The following MBD5 variants were observed in gnomAD, a reference collection of about 807,000 sequenced individuals.
MBD5 encodes methyl-CpG-binding domain protein 5.
MBD5 carries 13 observed loss-of-function variants against 117.3 expected under a neutral mutation model. The ratio of observed to expected loss-of-function variants is 0.11; its 90% CI spans 0.07 to 0.18. The LOEUF is 0.18. Ranked by LOEUF, MBD5 falls within the 10% of genes least tolerant of loss-of-function variation. MBD5 has a pLI of 1.00. For missense variants in MBD5, 1,879 were observed against 2,093.8 expected, an observed-to-expected ratio of 0.90 and a Z score of 2.00; for synonymous variants, 727 against 766.4, an observed-to-expected ratio of 0.95 and a Z score of 0.85.
At chr2:148,473,187 T>C (rs1680850967) in intron 8 of MBD5, among the ~76,000 whole-genome samples, 1 of 152,186 alleles carries the variant, frequency 6.6e-6, no homozygotes, top group South Asian at 2.1e-4. Context: ...GCCAATATTA[T>C]AGCAAATAAT....
intron 4 of MBD5, among the ~76,000 whole-genome samples, chr2:148,412,757 C>T (rs767544327): frequency 3.3e-5 from 5 of 151,822 alleles, no homozygotes; most frequent in Admixed American, 6.6e-5. Context: ...GGCCTTAGCT[C>T]GGATGTTGGT....
chr2:148,288,403 A>AAAAAAAAAAAAAAAAAAAAAG (rs1559006614), intron 3 of MBD5, among the ~76,000 whole-genome samples: 11 of 139,562 alleles, frequency 7.9e-5, no homozygotes, highest in African/African-American at 2.6e-4. Context: ...CCGTCTCAAA[A>AAAAAAAAAAAAAAAAAAAAAG]AAAAAAAAAA....
At chr2:148,138,227 A>G (rs1334786490) in intron 1 of MBD5, among the ~76,000 whole-genome samples, 1 of 152,186 alleles carries the variant, frequency 6.6e-6, no homozygotes, top group African/African-American at 2.4e-5. Context: ...TACAACTTAT[A>G]TGTATTTTTA....
At chr2:148,178,237 A>T (rs557493974) in intron 1 of MBD5, among the ~76,000 whole-genome samples, 2 of 152,216 alleles carry the variant, frequency 1.3e-5, no homozygotes, top group Admixed American at 1.3e-4. Flanking sequence ...AGAATTTTGA[A>T]TTTTTCATGA....
chr2:148,104,557 C>T (rs1004791578), intron 1 of MBD5, among the ~76,000 whole-genome samples: 1 of 152,106 alleles, frequency 6.6e-6, no homozygotes, highest in Non-Finnish European at 1.5e-5. Context: ...TGTTTTAACA[C>T]CCAATCTTAA....
intron 1 of MBD5, chr2:148,071,232 A>T (rs917984868): frequency 1.3e-5 from 2 of 151,756 alleles, no homozygotes; most frequent in East Asian, 1.9e-4. Context: ...AAAATCACTA[A>T]TACGGGCCTT....
At chr2:148,029,941 ATAC>A (rs1693993378) in intron 1 of MBD5, among the ~76,000 whole-genome samples, 1 of 152,190 alleles carries the variant, frequency 6.6e-6, no homozygotes. Context: ...TAATTAAAAA[ATAC>A]TACGATGGAA....
chr2:148,392,195 G>T (rs1704587854), intron 4 of MBD5, among the ~76,000 whole-genome samples: 1 of 152,010 alleles, frequency 6.6e-6, no homozygotes, highest in African/African-American at 2.4e-5. Context: ...TATTGCTATA[G>T]TTATTCTATA....
rs369826633 is a variant in MBD5, at chr2:148,420,036, G to A, written c.-556-38167G>A. Among the ~76,000 whole-genome samples, 4 of 152,244 alleles carry A rather than the reference G, an allele frequency of 2.6e-5. No homozygotes were observed. In the East Asian group the frequency reaches 7.7e-4, roughly 29 times the overall value. Reference sequence around the variant, plus strand: ...CCATATGTAAGCCTGGGGGAGGTAAGGAAGAGATTCAAAAGTGAAATATCC... The same window carrying A: ...CCATATGTAAGCCTGGGGGAGGTAAAGAAGAGATTCAAAAGTGAAATATCC... On this transcript the variant is annotated intron_variant, in intron 4 of 13. Transcript: ENST00000642680.
At chr2:148,408,881 A>G (rs980099351) in intron 4 of MBD5, among the ~76,000 whole-genome samples, 3 of 152,088 alleles carry the variant, frequency 2.0e-5, no homozygotes, top group African/African-American at 7.2e-5. Context: ...AACCAGTCAC[A>G]TAGCATTTAC....
chr2:148,039,391 G>A (rs566755489), intron 1 of MBD5, among the ~76,000 whole-genome samples: 5 of 152,152 alleles, frequency 3.3e-5, no homozygotes, highest in East Asian at 3.9e-4. Flanking sequence ...TGCAAAGTTC[G>A]TAAAGTAAAT....
intron 7 of MBD5, among the ~76,000 whole-genome samples, chr2:148,467,661 A>G (rs1183453488): frequency 6.6e-6 from 1 of 152,152 alleles, no homozygotes; most frequent in African/African-American, 2.4e-5. Context: ...GAAACTAAGC[A>G]TGGGTTAGTT....
intron 4 of MBD5, among the ~76,000 whole-genome samples, chr2:148,399,538 T>C (rs1414845655): frequency 6.6e-6 from 1 of 152,210 alleles, no homozygotes. Context: ...GCCTATCAGC[T>C]TAAGGAGATT....
chr2:148,054,216 G>A (rs1215528278), intron 1 of MBD5, among the ~76,000 whole-genome samples: 3 of 152,008 alleles, frequency 2.0e-5, no homozygotes, highest in Non-Finnish European at 4.4e-5. Flanking sequence ...GTGATCCAAT[G>A]AACTTCTTTG....
intron 3 of MBD5, among the ~76,000 whole-genome samples, chr2:148,320,987 T>C (rs193190805): frequency 3.0e-4 from 46 of 152,302 alleles, no homozygotes; most frequent in Admixed American, 2.6e-3. Context: ...TTTGTCTCTA[T>C]TTGATACCTT....
intron 1 of MBD5, among the ~76,000 whole-genome samples, chr2:148,079,686 G>A (rs371662082): frequency 1.3e-5 from 2 of 151,800 alleles, no homozygotes; most frequent in Non-Finnish European, 2.9e-5. Flanking sequence ...GTGAAACCCC[G>A]TCTCTACTAA....
chr2:148,241,410 G>A (rs1700213499), intron 3 of MBD5, among the ~76,000 whole-genome samples: 1 of 151,882 alleles, frequency 6.6e-6, no homozygotes, highest in African/African-American at 2.4e-5. Context: ...TATTTGATGG[G>A]GTTCAAACTC....
intron 1 of MBD5, among the ~76,000 whole-genome samples, chr2:148,150,716 G>A (rs1456748103): frequency 2.6e-5 from 4 of 152,106 alleles, no homozygotes; most frequent in Non-Finnish European, 5.9e-5. Context: ...GTGAATGGGA[G>A]TTCCCTCATG....
rs73009234 is a variant in MBD5 at position 148,136,264 on chromosome 2, C to T, written c.-924-42436C>T. The stretch of plus-strand genomic sequence containing the variant: ...GATATCTTGTTTTACAAATGAGGAT[C>T]CTAAGACAGGAACTGTATTCTGTTT... On this transcript the variant is annotated intron_variant, in intron 1 of 13. Coordinates refer to ENST00000642680, the MANE Select transcript of MBD5 (RefSeq NM_001378120.1). 6.6e-3 allele frequency among the ~76,000 whole-genome samples: 1,001 copies of T among 152,118 alleles called. 8 individuals carry two copies. The highest frequency in any genetic ancestry group is 0.023 in the African/African-American group (964 of 41,498).
Sources: gnomAD v4.1 joint callset for allele counts (sites outside exome capture counted in the v4.1 genomes callset) on GRCh38, gnomAD v4.1.1 for gene constraint, MANE v1.5 for transcripts, NCBI Gene and HGNC (gene_info 2026-07-23, HGNC 2026-07-21) for gene names.